PARD3B: variants seen among roughly 807,000 people sequenced by gnomAD.
PARD3B encodes the protein par-3 family cell polarity regulator beta.
A neutral mutation model predicts 130.2 loss-of-function variants in PARD3B; 103 were observed. The ratio of observed to expected loss-of-function variants is 0.79; its 90% CI spans 0.67 to 0.93. The LOEUF is 0.93. Among genes scored for constraint, PARD3B ranks in the 40% least tolerant of loss-of-function variants. The pLI, the probability that PARD3B is intolerant of heterozygous loss-of-function variation, is 0.00. For synonymous variants in PARD3B, 583 were observed against 553.2 expected (o/e 1.05, Z -0.76); for missense variants, 1,609 against 1,499.2 (o/e 1.07, Z -1.21).
Position 204,659,316 on chromosome 2 carries a change from C to T in PARD3B, c.121-26865C>T, listed in dbSNP as rs554671854. Among the ~76,000 whole-genome samples the T allele has an allele frequency of 2.5e-4, 38 of 152,196 alleles. No individual in the cohort carries two copies. The Middle Eastern group carries it at 0.01, about 41-fold the overall frequency. ...AAGTAATTTCTTTCTGTATTCTGAA[C>T]CTGTATTTTAGGTATCTGGCCCCAT... is the stretch of plus-strand genomic sequence containing the variant. On this transcript the variant is annotated intron_variant, in intron 1 of 22. Coordinates refer to ENST00000406610, the MANE Select transcript of PARD3B (RefSeq NM_001302769.2).
chr2:204,748,411 T>C (rs1244032927), intron 2 of PARD3B, among the ~76,000 whole-genome samples: 2 of 152,136 alleles, frequency 1.3e-5, no homozygotes, highest in East Asian at 3.9e-4. Flanking sequence ...TAGTGTAATG[T>C]CCTGCTATGA....
chr2:204,581,552 AG>A (rs2032559910), intron 1 of PARD3B, among the ~76,000 whole-genome samples: 1 of 152,086 alleles, frequency 6.6e-6, no homozygotes, highest in African/African-American at 2.4e-5. Context: ...AACAGAAACT[AG>A]GTGTGGTGGG....
intron 1 of PARD3B, among the ~76,000 whole-genome samples, chr2:204,603,033 T>C (rs568605581): frequency 1.6e-4 from 24 of 152,194 alleles, no homozygotes; most frequent in African/African-American, 5.5e-4. Flanking sequence ...AAGACTGATA[T>C]TACTGATGCT....
At chr2:204,647,359 G>T (rs2035309595) in intron 1 of PARD3B, among the ~76,000 whole-genome samples, 1 of 151,216 alleles carries the variant, frequency 6.6e-6, no homozygotes, top group African/African-American at 2.4e-5. Context: ...ATACAGTTTT[G>T]TTATACATGT....
intron 1 of PARD3B, among the ~76,000 whole-genome samples, chr2:204,589,935 G>A (rs1048126948): frequency 6.6e-6 from 1 of 152,150 alleles, no homozygotes; most frequent in Non-Finnish European, 1.5e-5. Flanking sequence ...GAGAATTAGA[G>A]CTTTGAGTTC....
intron 4 of PARD3B, among the ~76,000 whole-genome samples, chr2:205,102,243 A>C (rs1702836135): frequency 6.6e-6 from 1 of 152,164 alleles, no homozygotes; most frequent in Non-Finnish European, 1.5e-5. Flanking sequence ...TTTATTATAC[A>C]ACATTAGAAA....
intron 2 of PARD3B, among the ~76,000 whole-genome samples, chr2:204,695,977 C>T (rs1263880260): frequency 6.6e-6 from 1 of 151,958 alleles, no homozygotes. Context: ...TACAGACCAT[C>T]AAGGAAGGTG....
At chr2:204,803,181 T>A (rs1355592435) in intron 2 of PARD3B, among the ~76,000 whole-genome samples, 37 of 144,180 alleles carry the variant, frequency 2.6e-4, no homozygotes, top group African/African-American at 8.8e-4. Flanking sequence ...TATATATATA[T>A]AATCCTAGAT....
At chr2:205,387,755 G>T (rs753158401) in intron 18 of PARD3B, among the ~76,000 whole-genome samples, 2 of 152,134 alleles carry the variant, frequency 1.3e-5, no homozygotes, top group African/African-American at 2.4e-5. Context: ...TACTAAAAAT[G>T]GGGAGACCAG....
At chr2:204,883,129 A>G (rs1559225913) in intron 2 of PARD3B, among the ~76,000 whole-genome samples, 3 of 151,954 alleles carry the variant, frequency 2.0e-5, no homozygotes, top group Non-Finnish European at 4.4e-5. Context: ...AAGTTTTCAA[A>G]TGGTTGTTGA....
intron 1 of PARD3B, among the ~76,000 whole-genome samples, chr2:204,651,803 G>A (rs2035487403): frequency 6.6e-6 from 1 of 152,184 alleles, no homozygotes; most frequent in South Asian, 2.1e-4. Flanking sequence ...CTGAAATCTA[G>A]GCAGAGGCTC....
intron 1 of PARD3B, among the ~76,000 whole-genome samples, chr2:204,654,740 C>T (rs2035588911): frequency 6.6e-6 from 1 of 152,042 alleles, no homozygotes; most frequent in African/African-American, 2.4e-5. Flanking sequence ...AGCTCTTTTC[C>T]TTTGGAGTTT....
chr2:205,338,938 T>C (rs749349895), intron 18 of PARD3B, among the ~76,000 whole-genome samples: 1 of 152,056 alleles, frequency 6.6e-6, no homozygotes, highest in Non-Finnish European at 1.5e-5. Context: ...AGTCCAGAGA[T>C]TGGTGGGGGA....
chr2:204,620,597 C>A (rs193077173), intron 1 of PARD3B, among the ~76,000 whole-genome samples: 3 of 152,234 alleles, frequency 2.0e-5, no homozygotes, highest in African/African-American at 7.2e-5. Flanking sequence ...GAAATAATGC[C>A]TGCTGCTGAG....
chr2:205,607,964 A>G (rs944435085), intron 22 of PARD3B, among the ~76,000 whole-genome samples: 1 of 152,084 alleles, frequency 6.6e-6, no homozygotes, highest in Non-Finnish European at 1.5e-5. Context: ...TCTAATGATC[A>G]TAGGTAGTTT....
At position 205,508,899 on chromosome 2, in the gene PARD3B, T is replaced by C. The variant is rs549833435; in HGVS notation, c.3180+8868T>C. 2.0e-5 allele frequency among the ~76,000 whole-genome samples: 3 copies of C among 152,100 alleles called. No individual in the cohort carries two copies. In the South Asian group the frequency reaches 6.2e-4, roughly 32 times the overall value. On this transcript the variant is annotated intron_variant, in intron 21 of 22. Coordinates refer to ENST00000406610, the MANE Select transcript of PARD3B (RefSeq NM_001302769.2). ...AGAGTTGAGATTTTGCTCACTTAGA[T>C]TTCAGCAAGTAGTAAAACAAAAAGA...
intron 21 of PARD3B, among the ~76,000 whole-genome samples, chr2:205,541,365 T>TTG (rs1240848179): frequency 1.0e-5 from 1 of 100,200 alleles, no homozygotes; most frequent in East Asian, 3.1e-4. Context: ...TTTTTTTTTT[T>TTG]GAGACAGAGT....
intron 19 of PARD3B, among the ~76,000 whole-genome samples, chr2:205,428,092 TGGCCCCAGA>T (rs942687860): frequency 6.6e-6 from 1 of 152,094 alleles, no homozygotes; most frequent in African/African-American, 2.4e-5. Context: ...CATATAAAAG[TGGCCCCAGA>T]GGCTGGGAGT....
At chr2:205,199,976 A>G (rs2125823013) in intron 15 of PARD3B, among the ~76,000 whole-genome samples, 1 of 152,274 alleles carries the variant, frequency 6.6e-6, no homozygotes, top group South Asian at 2.1e-4. Context: ...TGAAATTAAA[A>G]AAAAAAAAAT....
Sources: gnomAD v4.1 joint callset for allele counts (sites outside exome capture counted in the v4.1 genomes callset) on GRCh38, gnomAD v4.1.1 for gene constraint, MANE v1.5 for transcripts, NCBI Gene and HGNC (gene_info 2026-07-23, HGNC 2026-07-21) for gene names.